RPSA: variants seen among roughly 807,000 people sequenced by gnomAD.
RPSA encodes ribosomal protein SA.
For synonymous variants in RPSA, 103 were observed against 126.7 expected (o/e 0.81, Z 1.25); for missense variants, 140 against 372.8 (o/e 0.38, Z 5.14).
At chr3:39,408,874 G>T (rs946450702) in intron 3 of RPSA, 150 bp downstream of exon 3, 4 of 617,940 alleles carry the variant, frequency 6.5e-6, no homozygotes, top group Middle Eastern at 4.4e-4. Flanking sequence ...GGAGTCCGGC[G>T]TATTACGAGG....
Position 39,412,071 on chromosome 3 carries a change from A to G in RPSA, c.793+10A>G, listed in dbSNP as rs1362079587. On this transcript the variant is annotated intron_variant, in intron 6 of 6. Transcript: ENST00000301821. ...CAGCAATTCCCTACTGGTATGTATC[A>G]GGATAGAGGTGAATCAAGCTGATAT... is the stretch of plus-strand genomic sequence containing the variant. 2 of 1,610,516 alleles carry G rather than the reference A, an allele frequency of 1.2e-6. No individual in the cohort carries two copies. Among genetic ancestry groups the G allele is most frequent in the Admixed American group, 1.7e-5 (1 of 60,024 alleles).
Position 39,412,501 on chromosome 3 carries a change from A to C in RPSA, c.*133A>C, listed in dbSNP as rs1471349635. 2 of 614,180 alleles carry C rather than the reference A, an allele frequency of 3.3e-6. No homozygotes were observed. Among genetic ancestry groups the C allele is most frequent in the African/African-American group, 3.7e-5 (2 of 54,212 alleles). The allele number at this position is 614,180 out of a possible 1,614,324, so 38.0% of individuals were successfully genotyped here. A position where few individuals can be genotyped will look rare whatever the true frequency, so the allele number is the denominator to read the frequency against. ...AATACCTGGGATTGCATATCAAAGCATAATAATAAATACATGTCTCGACAT... is the reference window on the plus strand; with the variant it reads ...AATACCTGGGATTGCATATCAAAGCCTAATAATAAATACATGTCTCGACAT... On this transcript the variant is annotated 3_prime_UTR_variant, in exon 7 of 7. Transcript: ENST00000301821.
rs572918553 is a variant in RPSA, at chr3:39,406,754, C to G, written c.-44C>G. 4.0e-5 allele frequency: 17 copies of G among 422,260 alleles called. No individual in the cohort carries two copies. The highest frequency in any genetic ancestry group is 8.0e-5 in the Non-Finnish European group (17 of 211,888). The allele number at this position is 422,260 out of a possible 1,614,324, so 26.2% of individuals were successfully genotyped here. A position where few individuals can be genotyped will look rare whatever the true frequency, so the allele number is the denominator to read the frequency against. On this transcript the variant is annotated 5_prime_UTR_variant, in exon 1 of 7. Transcript: ENST00000301821. ...GCTACCTGCAGAGGGGTCCATACGG[C>G]GTTGTTCTGGGTGAGTTCCGTGTAG...
At chr3:39,410,122 C>G (rs2041983450) in intron 3 of RPSA, 1 of 161,588 alleles carries the variant, frequency 6.2e-6, no homozygotes, top group Non-Finnish European at 1.4e-5. Flanking sequence ...GGCCTTGTCT[C>G]AAAGAGAACC....
intron 1 of RPSA, 86 bp from the exon 2 acceptor site, chr3:39,407,535 A>G (rs566889296): frequency 5.4e-6 from 5 of 928,570 alleles, no homozygotes; most frequent in South Asian, 1.3e-5. Flanking sequence ...CTGACACTAT[A>G]GCAGATGGAG....
rs1033871561 is a variant in RPSA, at chr3:39,410,905, C to T, written c.404C>T (p.Thr135Met). ...CCCAGGGCTGACCACCAGCCTCTCA[C>T]GGAGGCATCTTATGTTAACCTACCT... Reference protein sequence around the residue: ...TDPRADHQPLTEASYVNLPTI... With the variant: ...TDPRADHQPLMEASYVNLPTI... Residue 135 changes from threonine (T) to methionine (M), a missense_variant, in exon 4 of 7, where the codon ACG (threonine) becomes ATG (methionine). By Grantham distance (81) the Thr-to-Met change is moderately conservative (BLOSUM62 -1). Coordinates refer to ENST00000301821, the MANE Select transcript of RPSA (RefSeq NM_002295.6). 1.4e-5 allele frequency: 22 copies of T among 1,587,876 alleles called. No individual in the cohort carries two copies. The highest frequency in any genetic ancestry group is 1.6e-5 in the Non-Finnish European group (19 of 1,169,072).
intron 1 of RPSA, 24 bp downstream of exon 1, chr3:39,406,788 G>A (rs918059851): frequency 2.2e-6 from 1 of 447,944 alleles, no homozygotes; most frequent in African/African-American, 2.0e-5. Context: ...AGCGTCCCTG[G>A]CGCCTTCCAG....
intron 1 of RPSA, 21 bp from the exon 2 acceptor site, chr3:39,407,600 T>G: frequency 6.4e-7 from 1 of 1,569,694 alleles, no homozygotes; most frequent in Non-Finnish European, 8.7e-7. Context: ...TGAAAAGAAA[T>G]AGGTTGCTCT....
intron 1 of RPSA, chr3:39,407,163 T>TTAAG (rs1319593081): frequency 2.2e-5 from 8 of 356,054 alleles, no homozygotes; most frequent in South Asian, 1.7e-4. Context: ...GGGTCAGGAG[T>TTAAG]TAAGGTTCTC....
At chr3:39,407,138 C>T (rs984058007) in intron 1 of RPSA, 8 of 377,660 alleles carry the variant, frequency 2.1e-5, no homozygotes, top group Admixed American at 2.1e-4. Flanking sequence ...GTCGGGTTTT[C>T]CCTTCGCGCC....
intron 6 of RPSA, 28 bp downstream of exon 6, chr3:39,412,089 G>A (rs1231809549): frequency 6.2e-7 from 1 of 1,606,106 alleles, no homozygotes; most frequent in Non-Finnish European, 8.5e-7. Context: ...GGTGAATCAA[G>A]CTGATATTTT....
At chr3:39,411,131 A>C (rs982774304) in intron 4 of RPSA, 132 bp downstream of exon 4, 10 of 1,164,278 alleles carry the variant, frequency 8.6e-6, no homozygotes, top group Non-Finnish European at 1.3e-5. Context: ...GTGCTACATG[A>C]GGGGCAAGTT....
chr3:39,409,084 C>CAA (rs752029969), intron 3 of RPSA: 1,618 of 78,346 alleles, frequency 0.021, 33 homozygotes, highest in African/African-American at 0.068. Context: ...GACTCTGTCT[C>CAA]AAAAAAAAAA....
chr3:39,408,439 T>G (rs2041953027), intron 2 of RPSA, 167 bp from the exon 3 acceptor site: 1 of 771,518 alleles, frequency 1.3e-6, no homozygotes, highest in South Asian at 1.4e-5. Context: ...CTCATGAACT[T>G]CTGAGTGTCG....
At chr3:39,408,404 A>C (rs753429644) in intron 2 of RPSA, 2 of 756,372 alleles carry the variant, frequency 2.6e-6, no homozygotes, top group East Asian at 5.0e-5. Context: ...ACACTATTAA[A>C]GCTCAGGGTG....
intron 3 of RPSA, 99 bp from the exon 4 acceptor site, chr3:39,410,655 T>G (rs1369096448): frequency 1.5e-6 from 2 of 1,300,788 alleles, no homozygotes; most frequent in Non-Finnish European, 2.2e-6. Context: ...TTACATGGAG[T>G]AGTAGTGATT....
intron 1 of RPSA, 37 bp downstream of exon 1, chr3:39,406,801 C>T (rs1357162603): frequency 1.1e-5 from 5 of 452,588 alleles, no homozygotes. Flanking sequence ...CCTTCCAGGG[C>T]TAGAAAAATG....
intron 3 of RPSA, 178 bp downstream of exon 3, chr3:39,408,902 C>T (rs71325529): frequency 0.29 from 165,148 of 566,666 alleles, 25,616 homozygotes; most frequent in Non-Finnish European, 0.31. Context: ...ATCCACACCA[C>T]GGTGAAGCCC....
chr3:39,411,241 G>A, intron 4 of RPSA: 1 of 725,162 alleles, frequency 1.4e-6, no homozygotes. Flanking sequence ...GTGGAGAAAT[G>A]AAAACATTTG....
Sources: allele counts gnomAD v4.1 joint callset, GRCh38; gene constraint gnomAD v4.1.1; transcripts MANE v1.5; gene names NCBI Gene and HGNC (gene_info 2026-07-23, HGNC 2026-07-21).